Variants in PPP2R3B observed in about 807,000 individuals in gnomAD.
PPP2R3B encodes serine/threonine-protein phosphatase 2A regulatory subunit B'' subunit beta.
In PPP2R3B, 68 loss-of-function variants were observed where a neutral mutation model predicts 72.9. The observed-to-expected ratio is 0.93, with a 90% CI of 0.77 to 1.14. The LOEUF (loss-of-function observed/expected upper bound fraction) is 1.14, where lower values mean the gene tolerates loss of function less well. Among genes scored for constraint, PPP2R3B ranks in the 50% most tolerant of loss-of-function variants. The pLI is 0.00. For missense variants in PPP2R3B, 1,018 were observed against 842.0 expected, an observed-to-expected ratio of 1.21 and a Z score of -2.59; for synonymous variants, 466 against 375.8, an observed-to-expected ratio of 1.24 and a Z score of -2.78.
chrX:344,083 G>GGAGACGTCGCCAGCGGGAGGCGGGAGT (rs1569383324), intron 7 of PPP2R3B, among the ~76,000 whole-genome samples: 6 of 44,402 alleles, frequency 1.4e-4, no homozygotes, highest in African/African-American at 4.9e-4. Flanking sequence ...GAGGCGGGAG[G>GGAGACGTCGCCAGCGGGAGGCGGGAGT]GAGACCTCAC....
In PPP2R3B at chrX:379,676, G is replaced by A. The variant is rs188023635; in HGVS notation, c.324+6692C>T. Among the ~76,000 whole-genome samples, 1,516 of 152,332 alleles carry A rather than the reference G, an allele frequency of 1.0e-2. 14 individuals carry two copies. The highest frequency in any genetic ancestry group is 0.015 in the Non-Finnish European group (1,013 of 68,016). On this transcript the variant is annotated intron_variant, in intron 1 of 12. Coordinates refer to ENST00000390665, the MANE Select transcript of PPP2R3B (RefSeq NM_013239.5). Reference sequence around the variant, plus strand: ...AGGAGGTGCAAGAGGTGTACCCGGGGAAGTACACAACGTTGCTGAACAAAA... The same window carrying A: ...AGGAGGTGCAAGAGGTGTACCCGGGAAAGTACACAACGTTGCTGAACAAAA...
At position 384,880 on chromosome X, in the gene PPP2R3B, G is replaced by A. The variant is rs191269877; in HGVS notation, c.324+1488C>T. Reference sequence around the variant, plus strand: ...TGCGCCTGTAATCACAGCTACTCGGGAGGCTGAGGGAGGAGAATCGCTTGA... The same window carrying A: ...TGCGCCTGTAATCACAGCTACTCGGAAGGCTGAGGGAGGAGAATCGCTTGA... On this transcript the variant is annotated intron_variant, in intron 1 of 12. Coordinates refer to ENST00000390665, the MANE Select transcript of PPP2R3B (RefSeq NM_013239.5). 4.8e-4 allele frequency among the ~76,000 whole-genome samples: 72 copies of A among 150,930 alleles called. 1 individual carries two copies. The East Asian group carries it at 0.014, about 28-fold the overall frequency.
At chrX:347,409 C>T in intron 3 of PPP2R3B, 73 bp from the exon 4 acceptor site, 1 of 1,446,266 alleles carries the variant, frequency 6.9e-7, no homozygotes, top group Admixed American at 1.7e-5. Context: ...CAGGGTGGAA[C>T]ACGTGTGTGG....
intron 2 of PPP2R3B, among the ~76,000 whole-genome samples, chrX:356,624 C>T (rs1007312267): frequency 1.1e-4 from 17 of 152,182 alleles, no homozygotes; most frequent in South Asian, 4.1e-4. Context: ...AGCATGTCTG[C>T]GTAAATCAGT....
In PPP2R3B at chrX:345,567, C is replaced by T; in HGVS notation, c.985G>A (p.Asp329Asn). ...TCCGCGTCGATGAGCAGGTCGTGGTCCGTGTCCAGCTCCCAGAACTTGCAG... is the reference window on the plus strand; with the variant it reads ...TCCGCGTCGATGAGCAGGTCGTGGTTCGTGTCCAGCTCCCAGAACTTGCAG... ...IYCKFWELDT[D>N]HDLLIDADDL... The change falls in exon 7 of 13, where the codon GAC (aspartate) becomes AAC (asparagine). Residue 329 changes from aspartate (D) to asparagine (N), a missense_variant. By Grantham distance (23) the Asp-to-Asn change is conservative (BLOSUM62 1). Transcript: ENST00000390665. 3.1e-6 allele frequency: 5 copies of T among 1,613,302 alleles called. No individual in the cohort carries two copies. The highest frequency in any genetic ancestry group is 4.2e-6 in the Non-Finnish European group (5 of 1,179,564).
chrX:350,917 G>A (rs1223934202), intron 2 of PPP2R3B, among the ~76,000 whole-genome samples: 1 of 152,162 alleles, frequency 6.6e-6, no homozygotes, highest in African/African-American at 2.4e-5. Context: ...TTGGTTCACG[G>A]TGCCCCAGGC....
chrX:361,997 G>A (rs1323416447), intron 1 of PPP2R3B, among the ~76,000 whole-genome samples: 4 of 152,148 alleles, frequency 2.6e-5, no homozygotes, highest in African/African-American at 4.8e-5. Flanking sequence ...CACCCCAGAC[G>A]CCTGAGAGCT....
At chrX:336,310 C>T (rs976659357) in intron 12 of PPP2R3B, 1 of 152,236 alleles carries the variant, frequency 6.6e-6, no homozygotes, top group African/African-American at 2.4e-5. Context: ...TATGGACACA[C>T]AGAGGAACCA....
rs185981812 is a variant in PPP2R3B at position 379,432 on chromosome X, G to A, written c.324+6936C>T. Among the ~76,000 whole-genome samples the A allele has an allele frequency of 1.5e-3, 231 of 149,958 alleles. 2 individuals carry two copies. Among genetic ancestry groups the A allele is most frequent in the African/African-American group, 5.2e-3 (209 of 40,176 alleles). On this transcript the variant is annotated intron_variant, in intron 1 of 12. Coordinates refer to ENST00000390665, the MANE Select transcript of PPP2R3B (RefSeq NM_013239.5). ...TATGTGTGTATGCACCTGTGTTTGT[G>A]CATATGCACCTGTGTGTGTGTATGC...
intron 1 of PPP2R3B, among the ~76,000 whole-genome samples, chrX:368,646 G>A (rs112591522): frequency 4.1e-5 from 4 of 96,682 alleles, no homozygotes; most frequent in South Asian, 3.4e-4. Context: ...GGGGAAGGCC[G>A]GGACCACCCA....
intron 1 of PPP2R3B, among the ~76,000 whole-genome samples, chrX:383,350 T>C (rs2072165651): frequency 6.6e-6 from 1 of 152,112 alleles, no homozygotes; most frequent in Admixed American, 6.6e-5. Context: ...GTGCTGCTGA[T>C]GGAAAGCTGG....
chrX:367,027 CA>C lies in PPP2R3B; in HGVS notation c.325-5438del, dbSNP rs768980401. The stretch of plus-strand genomic sequence containing the variant: ...TGGGTGACAGAGTGAGACTCTGTCT[CA>C]AAAAAAAAAAAGTGAGATGAATACT... On this transcript the variant is annotated intron_variant, in intron 1 of 12. Transcript: ENST00000390665. Among the ~76,000 whole-genome samples, 92 of 139,534 alleles carry C rather than the reference CA, an allele frequency of 6.6e-4. 1 individual carries two copies. The highest frequency in any genetic ancestry group is 3.7e-3 in the Middle Eastern group (1 of 272). The allele number at this position is 139,534 out of a possible 152,430, so 91.5% of individuals were successfully genotyped here. A position where few individuals can be genotyped will look rare whatever the true frequency, so the allele number is the denominator to read the frequency against.
At chrX:354,114 A>C (rs1358417815) in intron 2 of PPP2R3B, among the ~76,000 whole-genome samples, 41 of 119,994 alleles carry the variant, frequency 3.4e-4, no homozygotes, top group African/African-American at 1.4e-3. Flanking sequence ...GCCCAAACAC[A>C]GGGGGCTCAC....
At position 347,274 on chromosome X, in the gene PPP2R3B, C is replaced by T. The variant is rs1233859064; in HGVS notation, c.677G>A (p.Cys226Tyr). 3.7e-6 allele frequency: 6 copies of T among 1,613,798 alleles called. No homozygotes were observed. In the Admixed American group the frequency reaches 6.7e-5, roughly 18 times the overall value. Residue 226 changes from cysteine (C) to tyrosine (Y), a missense_variant, in exon 4 of 13, where the codon TGC becomes TAC. Transcript: ENST00000390665. ...KFVHLLMSPG[C>Y]NYLVQEDFVP... Reference sequence around the variant, plus strand: ...AAAGTCCTCCTGCACCAGGTAGTTGCAGCCGGGGCTCATGAGCAGATGGAC... The same window carrying T: ...AAAGTCCTCCTGCACCAGGTAGTTGTAGCCGGGGCTCATGAGCAGATGGAC...
intron 1 of PPP2R3B, among the ~76,000 whole-genome samples, chrX:364,592 C>CCTGTA (rs2071654434): frequency 6.7e-6 from 1 of 148,922 alleles, no homozygotes; most frequent in South Asian, 2.1e-4. Context: ...GTGGAGGGTG[C>CCTGTA]CTGTACTCCC....
At chrX:371,833 C>A (rs754805577) in intron 1 of PPP2R3B, among the ~76,000 whole-genome samples, 1 of 150,266 alleles carries the variant, frequency 6.7e-6, no homozygotes, top group Non-Finnish European at 1.5e-5. Flanking sequence ...ACAAATACCC[C>A]CAAATATGCC....
At chrX:352,999 G>T (rs1436928683) in intron 2 of PPP2R3B, among the ~76,000 whole-genome samples, 2 of 151,736 alleles carry the variant, frequency 1.3e-5, no homozygotes, top group Non-Finnish European at 2.9e-5. Context: ...GCTCTGCTGG[G>T]GGGTGACTGG....
At chrX:363,459 CCATCCCACAAT>C (rs2071595382) in intron 1 of PPP2R3B, among the ~76,000 whole-genome samples, 5 of 148,128 alleles carry the variant, frequency 3.4e-5, no homozygotes, top group African/African-American at 4.9e-5. Context: ...CCCGAGCCCA[CCATCCCACAAT>C]GCATCTCCCC....
intron 1 of PPP2R3B, among the ~76,000 whole-genome samples, chrX:383,699 G>A (rs370862157): frequency 6.1e-4 from 93 of 151,654 alleles, no homozygotes; most frequent in Non-Finnish European, 4.7e-4. Context: ...TTAGCCGGGC[G>A]TGGTGGCGGG....
Sources: allele counts gnomAD v4.1 joint callset (sites outside exome capture counted in the v4.1 genomes callset), GRCh38; gene constraint gnomAD v4.1.1; transcripts MANE v1.5; gene names NCBI Gene and HGNC (gene_info 2026-07-23, HGNC 2026-07-21).